TK2: variants seen among roughly 807,000 people sequenced by gnomAD.
TK2 encodes the protein thymidine kinase 2, mitochondrial.
Under a neutral mutation model 41.9 loss-of-function variants are expected in TK2, and 35 were observed. That is an observed-to-expected ratio of 0.84 (90% CI 0.64 to 1.11). The LOEUF is 1.11. TK2 is among the 50% of genes least tolerant of loss of function. TK2 has a pLI of 0.00. For missense variants in TK2, 320 were observed against 351.1 expected, an observed-to-expected ratio of 0.91 and a Z score of 0.71; for synonymous variants, 128 against 129.1, an observed-to-expected ratio of 0.99 and a Z score of 0.06.
intron 6 of TK2, among the ~76,000 whole-genome samples, chr16:66,524,124 A>G (rs1465405280): frequency 6.6e-6 from 1 of 152,184 alleles, no homozygotes; most frequent in Non-Finnish European, 1.5e-5. Context: ...TTAAGAAACC[A>G]CAGGCCAGGT....
intron 2 of TK2, among the ~76,000 whole-genome samples, chr16:66,545,359 C>T (rs1008895675): frequency 2.0e-5 from 3 of 152,186 alleles, no homozygotes; most frequent in Non-Finnish European, 4.4e-5. Flanking sequence ...ATCCAAATAT[C>T]CTGTCTTATC....
intron 1 of TK2, 87 bp from the exon 2 acceptor site, chr16:66,549,096 A>C: frequency 1.9e-6 from 3 of 1,596,408 alleles, no homozygotes; most frequent in Non-Finnish European, 1.7e-6. Flanking sequence ...AAAAACACTA[A>C]TGTTTATGCT....
At chr16:66,512,192 G>A in intron 9 of TK2, 126 bp from the exon 10 acceptor site, 1 of 848,568 alleles carries the variant, frequency 1.2e-6, no homozygotes. Context: ...GTTGCAGGCA[G>A]ATAAAAAGGA....
intron 2 of TK2, among the ~76,000 whole-genome samples, chr16:66,542,456 C>T (rs1965486192): frequency 6.6e-6 from 1 of 152,172 alleles, no homozygotes; most frequent in African/African-American, 2.4e-5. Flanking sequence ...TGTTAAGCAC[C>T]TTGTCACAGG....
chr16:66,536,426 C>T (rs770853453), intron 4 of TK2, among the ~76,000 whole-genome samples: 1 of 152,062 alleles, frequency 6.6e-6, no homozygotes, highest in African/African-American at 2.4e-5. Context: ...AGCAGAACCT[C>T]GAATTGGGGA....
intron 1 of TK2, chr16:66,549,682 A>C: frequency 8.1e-7 from 1 of 1,228,608 alleles, no homozygotes; most frequent in East Asian, 3.4e-5. Context: ...TTGGGCCGGA[A>C]TGTTCAGAGC....
At chr16:66,522,727 G>A (rs1057193612) in intron 6 of TK2, among the ~76,000 whole-genome samples, 11 of 152,248 alleles carry the variant, frequency 7.2e-5, no homozygotes, top group African/African-American at 9.6e-5. Context: ...TTAGCCGGGC[G>A]TTGTGGCACA....
chr16:66,549,671 T>C (rs897500689), intron 1 of TK2: 1 of 1,217,890 alleles, frequency 8.2e-7, no homozygotes. Flanking sequence ...GGGGACCGAG[T>C]TTGGGCCGGA....
rs772063515 is a variant in TK2 at position 66,549,932 on chromosome 16, C to G, written c.124+6G>C. On this transcript the variant is annotated splice_donor_region_variant and intron_variant, in intron 1 of 9. Transcript: ENST00000544898. ...TCCTGGGAGGCGGGACCAAGACGCG[C>G]GTTACCGGGAGGCCAGGCCCGGCGC... 34 of 1,354,118 alleles carry G rather than the reference C, an allele frequency of 2.5e-5. No individual in the cohort carries two copies. The highest frequency in any genetic ancestry group is 2.9e-5 in the Non-Finnish European group (31 of 1,062,238). 83.9% of individuals were successfully genotyped at this position (1,354,118 alleles called of 1,614,324 possible).
chr16:66,513,721 T>A lies in TK2; in HGVS notation c.699+10A>T. ...AACAGTCTCGTACCCTGTAAGGGAG[T>A]CTTACTTACCAGAACAGGGGCTGCC... On this transcript the variant is annotated intron_variant, in intron 9 of 9. Transcript: ENST00000544898. 1 of 1,612,932 alleles carries A rather than the reference T, an allele frequency of 6.2e-7. No homozygotes were observed. Among genetic ancestry groups the A allele is most frequent in the Non-Finnish European group, 8.5e-7 (1 of 1,179,344 alleles).
At chr16:66,548,579 C>A in intron 2 of TK2, 1 of 247,562 alleles carries the variant, frequency 4.0e-6, no homozygotes, top group South Asian at 4.9e-5. Context: ...GATCCCCTGC[C>A]CACCCACCAG....
At chr16:66,523,151 AT>A (rs1964832124) in intron 6 of TK2, among the ~76,000 whole-genome samples, 1 of 152,196 alleles carries the variant, frequency 6.6e-6, no homozygotes, top group Non-Finnish European at 1.5e-5. Flanking sequence ...AGCCTGCCAT[AT>A]AGCCTTCTGT....
rs972751741 is a variant in TK2 at position 66,508,969 on chromosome 16, T to A, written c.*2999A>T. The stretch of plus-strand genomic sequence containing the variant: ...GGGATGGGAATGGTGAGGGTGAGGA[T>A]GAGGGTGGGATGACGTGGGGGCAGA... On this transcript the variant is annotated 3_prime_UTR_variant, in exon 10 of 10. Transcript: ENST00000544898. The A allele has an allele frequency of 1.3e-5, 2 of 152,196 alleles. No homozygotes were observed. Among genetic ancestry groups the A allele is most frequent in the Non-Finnish European group, 2.9e-5 (2 of 68,096 alleles). The allele number at this position is 152,196 out of a possible 1,614,324, so 9.4% of individuals were successfully genotyped here. A position where few individuals can be genotyped will look rare whatever the true frequency, so the allele number is the denominator to read the frequency against.
intron 5 of TK2, among the ~76,000 whole-genome samples, chr16:66,529,792 C>G (rs1362456227): frequency 1.3e-5 from 2 of 152,170 alleles, no homozygotes; most frequent in Non-Finnish European, 2.9e-5. Context: ...ATAACCCAGG[C>G]ACTTCCTCCC....
At chr16:66,532,092 T>C (rs1351088229) in intron 4 of TK2, among the ~76,000 whole-genome samples, 1 of 143,118 alleles carries the variant, frequency 7.0e-6, no homozygotes, top group African/African-American at 2.6e-5. Context: ...AACCTGCACA[T>C]GTACCCCGCT....
chr16:66,549,462 C>CAT (rs1437884969), intron 1 of TK2: 1 of 1,045,954 alleles, frequency 9.6e-7, no homozygotes, highest in East Asian at 8.2e-5. Flanking sequence ...TCTCAACAGC[C>CAT]ATATGGCGGA....
chr16:66,524,797 G>A (rs1964882668), intron 6 of TK2: 1 of 150,700 alleles, frequency 6.6e-6, no homozygotes, highest in African/African-American at 2.4e-5. Context: ...AGGTGGTTGT[G>A]GGAGAAGCTT....
intron 2 of TK2, chr16:66,547,946 T>G (rs1457865621): frequency 7.8e-7 from 1 of 1,287,916 alleles, no homozygotes; most frequent in East Asian, 5.6e-5. Context: ...CAATAACTAA[T>G]AAATAGCCAG....
At chr16:66,518,208 T>G (rs1284994153) in intron 6 of TK2, 1 of 350,668 alleles carries the variant, frequency 2.9e-6, no homozygotes, top group South Asian at 2.4e-5. Flanking sequence ...AGGCAATGAA[T>G]CAGCAAACCA....
Sources: gnomAD v4.1 joint callset for allele counts (sites outside exome capture counted in the v4.1 genomes callset) on GRCh38, gnomAD v4.1.1 for gene constraint, MANE v1.5 for transcripts, NCBI Gene and HGNC (gene_info 2026-07-23, HGNC 2026-07-21) for gene names.